The following PTPRD variants were observed in gnomAD, a reference collection of about 807,000 sequenced individuals.
The protein encoded by PTPRD is receptor-type tyrosine-protein phosphatase delta.
In PTPRD, 34 loss-of-function variants were observed where a neutral mutation model predicts 214.5. That is an observed-to-expected ratio of 0.16 (90% CI 0.12 to 0.21). PTPRD has a LOEUF of 0.21. Ranked by LOEUF, PTPRD falls within the 10% of genes least tolerant of loss-of-function variation. The pLI is 1.00. For synonymous variants in PTPRD, 1,128 were observed against 845.7 expected (o/e 1.33, Z -5.79); for missense variants, 2,545 against 2,398.7 (o/e 1.06, Z -1.27).
At chr9:8,340,778 T>G (rs921050270) in intron 41 of PTPRD, among the ~76,000 whole-genome samples, 8 of 152,150 alleles carry the variant, frequency 5.3e-5, no homozygotes, top group African/African-American at 1.9e-4. Context: ...GATGTGCAGC[T>G]TCATTTTCTA....
intron 9 of PTPRD, among the ~76,000 whole-genome samples, chr9:9,355,677 T>C (rs1232547569): frequency 2.0e-5 from 3 of 151,494 alleles, no homozygotes; most frequent in African/African-American, 7.3e-5. Flanking sequence ...AGACAGGGCC[T>C]GGAGATGTAA....
At position 10,464,486 on chromosome 9, in the gene PTPRD, G is replaced by GGAAGAT. The variant is rs148091582; in HGVS notation, c.-599-123475_-599-123470dup. Among the ~76,000 whole-genome samples, 480 of 150,490 alleles carry GGAAGAT rather than the reference G, an allele frequency of 3.2e-3. 2 individuals are homozygous for GGAAGAT. Among genetic ancestry groups the GGAAGAT allele is most frequent in the African/African-American group, 1.0e-2 (410 of 41,118 alleles). On this transcript the variant is annotated intron_variant, in intron 2 of 45. Coordinates refer to ENST00000381196, the MANE Select transcript of PTPRD (RefSeq NM_002839.4). Reference sequence around the variant, plus strand: ...AGAAAGGGAGGAAGGGAGAAAGACAGGAAGATGAAGATGAAGATGAAGATG... The same window carrying GGAAGAT: ...AGAAAGGGAGGAAGGGAGAAAGACAGGAAGATGAAGATGAAGATGAAGATGAAGATG...
intron 11 of PTPRD, among the ~76,000 whole-genome samples, chr9:8,998,807 A>C (rs199758600): frequency 0.061 from 9,320 of 152,158 alleles, 331 homozygotes; most frequent in Middle Eastern, 0.1. Flanking sequence ...GGTTAAGGCC[A>C]AAATATCAAC....
At chr9:9,679,121 GAA>G (rs35030963) in intron 7 of PTPRD, among the ~76,000 whole-genome samples, 32 of 141,452 alleles carry the variant, frequency 2.3e-4, no homozygotes, top group African/African-American at 7.7e-4. Context: ...GAAAAAGGGG[GAA>G]AAAAAAAAAA....
At chr9:8,770,585 A>G (rs2095131526) in intron 11 of PTPRD, among the ~76,000 whole-genome samples, 1 of 152,178 alleles carries the variant, frequency 6.6e-6, no homozygotes, top group Admixed American at 6.5e-5. Flanking sequence ...CTTTCACTAA[A>G]TCCAAAATCT....
intron 44 of PTPRD, among the ~76,000 whole-genome samples, chr9:8,331,370 G>GA (rs1314681862): frequency 1.3e-5 from 2 of 151,154 alleles, no homozygotes; most frequent in East Asian, 1.9e-4. Flanking sequence ...TTTTTTGGGG[G>GA]ATAAACATTT....
intron 3 of PTPRD, among the ~76,000 whole-genome samples, chr9:10,246,881 C>T (rs1332012401): frequency 6.6e-6 from 1 of 150,584 alleles, no homozygotes; most frequent in Non-Finnish European, 1.5e-5. Context: ...GCAACAAGAG[C>T]AAAACTCTGT....
chr9:8,990,403 G>A (rs542196941), intron 11 of PTPRD, among the ~76,000 whole-genome samples: 2 of 152,246 alleles, frequency 1.3e-5, no homozygotes, highest in African/African-American at 4.8e-5. Flanking sequence ...ACAGAGAGCA[G>A]GGACTGAACT....
chr9:8,917,590 T>C (rs1250299901), intron 11 of PTPRD, among the ~76,000 whole-genome samples: 1 of 152,146 alleles, frequency 6.6e-6, no homozygotes, highest in African/African-American at 2.4e-5. Context: ...TTCTCTCCTT[T>C]CTTTTTAATC....
chr9:10,537,559 C>T (rs956148602), intron 2 of PTPRD, among the ~76,000 whole-genome samples: 2 of 152,086 alleles, frequency 1.3e-5, no homozygotes, highest in Non-Finnish European at 2.9e-5. Flanking sequence ...TCTTTCTTTA[C>T]ATTGTTTTTT....
chr9:8,946,472 C>A (rs2099064977), intron 11 of PTPRD, among the ~76,000 whole-genome samples: 1 of 152,062 alleles, frequency 6.6e-6, no homozygotes, highest in Non-Finnish European at 1.5e-5. Flanking sequence ...AATACTGGAC[C>A]TGGGAAAGGA....
intron 33 of PTPRD, among the ~76,000 whole-genome samples, chr9:8,451,495 C>G (rs2095948657): frequency 6.6e-6 from 1 of 152,188 alleles, no homozygotes; most frequent in Admixed American, 6.5e-5. Context: ...AAGACAGGCT[C>G]ATAAGACCAT....
chr9:9,860,390 A>T (rs924625393), intron 5 of PTPRD, among the ~76,000 whole-genome samples: 1 of 152,256 alleles, frequency 6.6e-6, no homozygotes, highest in East Asian at 1.9e-4. Context: ...GGTTGTCTGC[A>T]TATAAAGTAG....
intron 27 of PTPRD, among the ~76,000 whole-genome samples, chr9:8,490,328 C>T (rs1029489781): frequency 2.0e-5 from 3 of 152,134 alleles, no homozygotes; most frequent in Admixed American, 2.0e-4. Flanking sequence ...AGAATTGGTA[C>T]GTATGTGTGG....
chr9:8,900,230 T>C (rs578147053), intron 11 of PTPRD, among the ~76,000 whole-genome samples: 3 of 152,300 alleles, frequency 2.0e-5, no homozygotes, highest in East Asian at 1.9e-4. Context: ...TAGAAAGTAA[T>C]ACAAATATCC....
intron 8 of PTPRD, among the ~76,000 whole-genome samples, chr9:9,427,617 T>C (rs200941784): frequency 2.0e-5 from 3 of 152,040 alleles, no homozygotes; most frequent in Admixed American, 6.6e-5. Flanking sequence ...TTGTCAGATT[T>C]ACCAAAGTTG....
chr9:8,589,293 C>T (rs887179385), intron 14 of PTPRD, among the ~76,000 whole-genome samples: 5 of 152,046 alleles, frequency 3.3e-5, no homozygotes, highest in East Asian at 1.9e-4. Flanking sequence ...AAATTTTAAC[C>T]GATAAACACT....
chr9:9,085,425 A>G (rs904891956), intron 10 of PTPRD, among the ~76,000 whole-genome samples: 1 of 152,182 alleles, frequency 6.6e-6, no homozygotes, highest in Non-Finnish European at 1.5e-5. Context: ...TGCATATGTA[A>G]GCTTTGACGG....
chr9:9,856,212 TC>T (rs2061527159), intron 5 of PTPRD, among the ~76,000 whole-genome samples: 1 of 152,054 alleles, frequency 6.6e-6, no homozygotes, highest in Non-Finnish European at 1.5e-5. Context: ...CCAGCTGTAG[TC>T]CCTGACATCC....
Sources: gnomAD v4.1 joint callset for allele counts (sites outside exome capture counted in the v4.1 genomes callset) on GRCh38, gnomAD v4.1.1 for gene constraint, MANE v1.5 for transcripts, NCBI Gene and HGNC (gene_info 2026-07-23, HGNC 2026-07-21) for gene names.